The following SLC25A12 variants were observed in gnomAD, a reference collection of about 807,000 sequenced individuals.
SLC25A12 encodes the protein electrogenic aspartate/glutamate antiporter SLC25A12, mitochondrial.
SLC25A12 carries 32 observed loss-of-function variants against 83.3 expected under a neutral mutation model. That is an observed-to-expected ratio of 0.38 (90% CI 0.29 to 0.52). The LOEUF (loss-of-function observed/expected upper bound fraction) is 0.52, where lower values mean the gene tolerates loss of function less well. Among genes scored for constraint, SLC25A12 ranks in the 20% least tolerant of loss-of-function variants. SLC25A12 has a pLI of 0.84. For missense variants in SLC25A12, 611 were observed against 835.6 expected, an observed-to-expected ratio of 0.73 and a Z score of 3.31; for synonymous variants, 267 against 291.1, an observed-to-expected ratio of 0.92 and a Z score of 0.84.
chr2:171,861,012 A>C (rs568784301), intron 3 of SLC25A12, among the ~76,000 whole-genome samples: 1 of 152,242 alleles, frequency 6.6e-6, no homozygotes, highest in African/African-American at 2.4e-5. Flanking sequence ...GGATCATTTG[A>C]GCTCAGGAAG....
rs1320375863 is a variant in SLC25A12 at position 171,894,221 on chromosome 2, C to T, written c.-7G>A. 5.0e-6 allele frequency: 8 copies of T among 1,609,158 alleles called. No individual in the cohort carries two copies. The highest frequency in any genetic ancestry group is 1.3e-5 in the African/African-American group (1 of 74,874). ...GAGTCACCTTGACCGCCATGCTGTG[C>T]TCGGAAGCCGGGGACGAGCGAGTGA... On this transcript the variant is annotated 5_prime_UTR_variant, in exon 1 of 18. Coordinates refer to ENST00000422440, the MANE Select transcript of SLC25A12 (RefSeq NM_003705.5).
chr2:171,821,986 G>C (rs1684203155), intron 9 of SLC25A12, among the ~76,000 whole-genome samples: 1 of 152,040 alleles, frequency 6.6e-6, no homozygotes, highest in Non-Finnish European at 1.5e-5. Flanking sequence ...TTTGTGTATG[G>C]TATGGGGTAG....
chr2:171,851,422 C>G (rs1370387752), intron 4 of SLC25A12, among the ~76,000 whole-genome samples: 1 of 151,174 alleles, frequency 6.6e-6, no homozygotes, highest in African/African-American at 2.4e-5. Flanking sequence ...AACTCCTGAC[C>G]TTGTGATCCT....
At position 171,891,373 on chromosome 2, in the gene SLC25A12, C is replaced by T. The variant is rs189989910; in HGVS notation, c.66+1832G>A. Among the ~76,000 whole-genome samples the T allele has an allele frequency of 3.5e-4, 54 of 152,152 alleles. No individual in the cohort carries two copies. The East Asian group carries it at 8.1e-3, about 23-fold the overall frequency. On this transcript the variant is annotated intron_variant, in intron 2 of 17. Transcript: ENST00000422440. ...CCTCATACCTCCAACCCACCTCTACCCCCACTCAAAAACAAAAAACAAATC... is the reference window on the plus strand; with the variant it reads ...CCTCATACCTCCAACCCACCTCTACTCCCACTCAAAAACAAAAAACAAATC...
intron 13 of SLC25A12, among the ~76,000 whole-genome samples, chr2:171,796,785 G>A (rs1574677961): frequency 6.6e-6 from 1 of 152,096 alleles, no homozygotes; most frequent in East Asian, 1.9e-4. Flanking sequence ...TTGTACCAAC[G>A]TAATAATTTG....
chr2:171,808,145 A>G (rs1232753993), intron 13 of SLC25A12, among the ~76,000 whole-genome samples: 28 of 152,264 alleles, frequency 1.8e-4, no homozygotes, highest in Admixed American at 1.8e-3. Context: ...GTTATCAAAT[A>G]TGAAACAAAT....
At chr2:171,817,342 C>T (rs1353393323) in intron 9 of SLC25A12, among the ~76,000 whole-genome samples, 1 of 152,056 alleles carries the variant, frequency 6.6e-6, no homozygotes, top group Non-Finnish European at 1.5e-5. Flanking sequence ...TGGCTCATAC[C>T]TGTAATCTGA....
At chr2:171,864,522 A>G (rs1200792812) in intron 3 of SLC25A12, among the ~76,000 whole-genome samples, 2 of 152,308 alleles carry the variant, frequency 1.3e-5, no homozygotes, top group East Asian at 3.8e-4. Context: ...CATCTCCCCC[A>G]GCAACAAAGC....
At chr2:171,848,065 C>T in intron 4 of SLC25A12, 1 of 393,248 alleles carries the variant, frequency 2.5e-6, no homozygotes, top group Non-Finnish European at 5.3e-6. Context: ...TTTTAATTTC[C>T]CCAGAAACCC....
intron 10 of SLC25A12, among the ~76,000 whole-genome samples, chr2:171,814,502 A>G (rs1464136788): frequency 6.8e-6 from 1 of 147,352 alleles, no homozygotes; most frequent in African/African-American, 2.5e-5. Flanking sequence ...TTTTTTTTTT[A>G]GTTTTATTTT....
intron 1 of SLC25A12, 46 bp downstream of exon 1, chr2:171,894,157 G>C (rs1405860813): frequency 6.3e-7 from 1 of 1,596,490 alleles, no homozygotes; most frequent in South Asian, 1.1e-5. Context: ...AGGGCGCTCG[G>C]AATGTCTCTT....
chr2:171,841,359 C>G (rs922035776), intron 5 of SLC25A12, among the ~76,000 whole-genome samples: 1 of 151,464 alleles, frequency 6.6e-6, no homozygotes, highest in Non-Finnish European at 1.5e-5. Flanking sequence ...GGATTACAGG[C>G]GTGAGCCAAA....
chr2:171,786,427 G>C (rs1690492678), intron 17 of SLC25A12, among the ~76,000 whole-genome samples: 1 of 147,954 alleles, frequency 6.8e-6, no homozygotes, highest in South Asian at 2.2e-4. Flanking sequence ...AATAGCTTTA[G>C]TTCTTTTACA....
In SLC25A12 at chr2:171,876,661, G is replaced by T. The variant is rs768725768; in HGVS notation, c.67-7838C>A. ...GTTTTTATTTTTTTGTAAAGATGGG[G>T]GTCCCACTAGGTTGCCCCCCCACAC... On this transcript the variant is annotated intron_variant, in intron 2 of 17. Coordinates refer to ENST00000422440, the MANE Select transcript of SLC25A12 (RefSeq NM_003705.5). Among the ~76,000 whole-genome samples, 71 of 151,780 alleles carry T rather than the reference G, an allele frequency of 4.7e-4. 1 individual carries two copies. Among genetic ancestry groups the T allele is most frequent in the Middle Eastern group, 6.8e-3 (2 of 294 alleles).
chr2:171,880,010 G>T (rs1018833415), intron 2 of SLC25A12, among the ~76,000 whole-genome samples: 5 of 152,096 alleles, frequency 3.3e-5, no homozygotes, highest in Non-Finnish European at 7.3e-5. Flanking sequence ...GTGTGATAAT[G>T]GTGTTATGAT....
At chr2:171,836,945 TACACACACACACATGCAC>T (rs1298970059) in intron 6 of SLC25A12, among the ~76,000 whole-genome samples, 158 bp downstream of exon 6, 1 of 146,554 alleles carries the variant, frequency 6.8e-6, no homozygotes, top group Admixed American at 6.8e-5. Flanking sequence ...TACATTCACG[TACACACACACACATGCAC>T]ACACACACAC....
In SLC25A12 at chr2:171,813,365, T is replaced by C; in HGVS notation, c.1145A>G (p.Tyr382Cys). The change falls in exon 11 of 18, where the codon TAT (tyrosine) becomes TGT (cysteine). Residue 382 changes from tyrosine (Y) to cysteine (C), a missense_variant. Tyr to Cys is a radical substitution (Grantham distance 194, BLOSUM62 -2). This residue lies in a region of SLC25A12 where 540 missense variants were observed against 777.5 expected (regional missense o/e 0.69). Coordinates refer to ENST00000422440, the MANE Select transcript of SLC25A12 (RefSeq NM_003705.5). The stretch of plus-strand genomic sequence containing the variant: ...CCTGTAGAGTCCAAAGAAGCCCTCA[T>C]AACGCAAGACTTTCTTAAAACAGTC... ...SFDCFKKVLRYEGFFGLYRGL... is the reference protein window; with the variant it reads ...SFDCFKKVLRCEGFFGLYRGL... The C allele has an allele frequency of 1.2e-6, 2 of 1,614,082 alleles. No individual in the cohort carries two copies. The highest frequency in any genetic ancestry group is 8.5e-7 in the Non-Finnish European group (1 of 1,179,956).
At chr2:171,844,645 T>G (rs1339477301) in intron 4 of SLC25A12, 137 bp from the exon 5 acceptor site, 59 of 647,800 alleles carry the variant, frequency 9.1e-5, no homozygotes, top group Non-Finnish European at 1.6e-5. Flanking sequence ...ACTGCAATTT[T>G]TTTGTGTGCC....
chr2:171,863,840 G>T (rs72885592), intron 3 of SLC25A12, among the ~76,000 whole-genome samples: 1 of 152,160 alleles, frequency 6.6e-6, no homozygotes, highest in African/African-American at 2.4e-5. Flanking sequence ...AAGATCCTAT[G>T]AGTGAATGAT....
Sources: gnomAD v4.1 joint callset for allele counts (sites outside exome capture counted in the v4.1 genomes callset) on GRCh38, gnomAD v4.1.1 for gene constraint, gnomAD v4.1.1 regional missense constraint, MANE v1.5 for transcripts, NCBI Gene and HGNC (gene_info 2026-07-23, HGNC 2026-07-21) for gene names.